The following UQCC1 variants were observed in gnomAD, a reference collection of about 807,000 sequenced individuals.
The protein encoded by UQCC1 is bFGF-repressed Zic-binding protein.
UQCC1 carries 38 observed loss-of-function variants against 48.0 expected under a neutral mutation model. The observed-to-expected ratio is 0.79, with a 90% confidence interval of 0.61 to 1.04. UQCC1 has a LOEUF of 1.04. Among genes scored for constraint, UQCC1 ranks in the 50% least tolerant of loss-of-function variants. The probability of loss-of-function intolerance (pLI) is 0.00; values close to 1 mark genes in which losing one functional copy is unlikely to be tolerated. For synonymous variants in UQCC1, 111 were observed against 129.2 expected, an observed-to-expected ratio of 0.86 and a Z score of 0.95; for missense variants, 368 against 381.8, an observed-to-expected ratio of 0.96 and a Z score of 0.30.
At chr20:35,383,994 T>C in intron 3 of UQCC1, 44 bp downstream of exon 3, 1 of 1,556,904 alleles carries the variant, frequency 6.4e-7, no homozygotes, top group Non-Finnish European at 8.8e-7. Flanking sequence ...AGAACACCTG[T>C]GTGAAAGCAC....
At chr20:35,317,272 G>A (rs1483417780) in intron 7 of UQCC1, among the ~76,000 whole-genome samples, 2 of 152,204 alleles carry the variant, frequency 1.3e-5, no homozygotes, top group East Asian at 1.9e-4. Flanking sequence ...GGAAGAGCAC[G>A]TGAGTTAGCA....
At chr20:35,319,062 C>T (rs918524159) in intron 7 of UQCC1, among the ~76,000 whole-genome samples, 2 of 152,174 alleles carry the variant, frequency 1.3e-5, no homozygotes, top group African/African-American at 2.4e-5. Context: ...AAAACCCATA[C>T]ATACAACACC....
Position 35,410,491 on chromosome 20 carries a change from C to A in UQCC1, c.24+1449G>T, listed in dbSNP as rs185261919. 2.7e-3 allele frequency among the ~76,000 whole-genome samples: 407 copies of A among 149,576 alleles called. 1 individual carries two copies. Among genetic ancestry groups the A allele is most frequent in the African/African-American group, 8.8e-3 (360 of 40,696 alleles). ...AGGTTGCAGTGAGCCGAGATCACAC[C>A]GCTGAACTCCACCCTGGGTGACAGA... On this transcript the variant is annotated intron_variant, in intron 1 of 9. Transcript: ENST00000374385.
At position 35,399,674 on chromosome 20, in the gene UQCC1, T is replaced by C. The variant is rs574650539; in HGVS notation, c.25-5478A>G. On this transcript the variant is annotated intron_variant, in intron 1 of 9. Coordinates refer to ENST00000374385, the MANE Select transcript of UQCC1 (RefSeq NM_018244.5). The stretch of plus-strand genomic sequence containing the variant: ...GAGTTCGAGACCAGCCTGGCCAACA[T>C]GGCAAAACCCCATCTCTACTAAAAA... 4.0e-5 allele frequency among the ~76,000 whole-genome samples: 6 copies of C among 151,870 alleles called. No individual in the cohort carries two copies. In the South Asian group the frequency reaches 1.3e-3, roughly 32 times the overall value.
rs1198006186 is a variant in UQCC1, at chr20:35,358,356, C to CAAA, written c.464+8198_464+8200dup. ...GCATCAACAGTGAGAGACTCTGTCT[C>CAAA]AAAAAAAAAAAAAAAAAAAAAAAAG... On this transcript the variant is annotated intron_variant, in intron 6 of 9. Coordinates refer to ENST00000374385, the MANE Select transcript of UQCC1 (RefSeq NM_018244.5). 1.9e-3 allele frequency among the ~76,000 whole-genome samples: 94 copies of CAAA among 49,378 alleles called. 1 individual carries two copies. Among genetic ancestry groups the CAAA allele is most frequent in the African/African-American group, 3.3e-3 (33 of 9,890 alleles). 32.4% of individuals were successfully genotyped at this position (49,378 alleles called of 152,430 possible).
At chr20:35,321,320 A>G (rs1294921429) in intron 7 of UQCC1, among the ~76,000 whole-genome samples, 2 of 152,076 alleles carry the variant, frequency 1.3e-5, no homozygotes, top group East Asian at 3.9e-4. Flanking sequence ...ACGCATGCAT[A>G]TTGAGCAGTT....
At chr20:35,374,660 C>T (rs1036330941) in intron 4 of UQCC1, among the ~76,000 whole-genome samples, 5 of 151,932 alleles carry the variant, frequency 3.3e-5, no homozygotes, top group African/African-American at 1.2e-4. Flanking sequence ...TACAAAAACC[C>T]TCAAGCCTTT....
At chr20:35,374,289 A>C in intron 4 of UQCC1, 33 bp from the exon 5 acceptor site, 1 of 1,533,160 alleles carries the variant, frequency 6.5e-7, no homozygotes, top group Non-Finnish European at 9.0e-7. Flanking sequence ...AACTCAAGAC[A>C]TGACCAAGTG....
In UQCC1 at chr20:35,383,946, C is replaced by T. The variant is rs11904863; in HGVS notation, c.225+92G>A. Reference sequence around the variant, plus strand: ...CCCTGAGCCTCACCTTCTGCATTCGCTAAAACTCACCTAGCTAACAATTTT... The same window carrying T: ...CCCTGAGCCTCACCTTCTGCATTCGTTAAAACTCACCTAGCTAACAATTTT... On this transcript the variant is annotated intron_variant, in intron 3 of 9. Transcript: ENST00000374385. 8.1e-5 allele frequency: 93 copies of T among 1,149,166 alleles called. No homozygotes were observed. The East Asian group carries it at 2.3e-3, about 28-fold the overall frequency. 71.2% of individuals were successfully genotyped at this position (1,149,166 alleles called of 1,614,324 possible). A position where few individuals can be genotyped will look rare whatever the true frequency, so the allele number is the denominator to read the frequency against.
chr20:35,398,253 C>G (rs530006514), intron 1 of UQCC1, among the ~76,000 whole-genome samples: 71 of 152,258 alleles, frequency 4.7e-4, no homozygotes, highest in African/African-American at 1.7e-3. Context: ...TAACTAAAGG[C>G]AGGAAGTACT....
At chr20:35,305,863 G>A (rs1328355553) in intron 9 of UQCC1, among the ~76,000 whole-genome samples, 1 of 152,222 alleles carries the variant, frequency 6.6e-6, no homozygotes, top group Non-Finnish European at 1.5e-5. Context: ...CACAGCCTGA[G>A]CTGTCTGAGG....
intron 6 of UQCC1, among the ~76,000 whole-genome samples, chr20:35,358,356 C>CAAAAAAAAAAAAA (rs1198006186): frequency 1.0e-4 from 5 of 49,396 alleles, no homozygotes; most frequent in Non-Finnish European, 1.3e-4. Flanking sequence ...GACTCTGTCT[C>CAAAAAAAAAAAAA]AAAAAAAAAA....
chr20:35,307,591 T>G (rs1568644766), intron 8 of UQCC1, among the ~76,000 whole-genome samples: 1 of 152,154 alleles, frequency 6.6e-6, no homozygotes, highest in Non-Finnish European at 1.5e-5. Context: ...CCCTGAGAAG[T>G]TGCTCTGTCC....
intron 1 of UQCC1, among the ~76,000 whole-genome samples, chr20:35,400,003 G>A (rs192043720): frequency 1.5e-5 from 2 of 132,330 alleles, no homozygotes; most frequent in Admixed American, 1.7e-4. Context: ...TCGGCTCACC[G>A]CAACCTTCAC....
intron 6 of UQCC1, among the ~76,000 whole-genome samples, chr20:35,349,510 C>T (rs898574587): frequency 6.6e-6 from 1 of 152,182 alleles, no homozygotes; most frequent in Non-Finnish European, 1.5e-5. Flanking sequence ...ATAATACCAT[C>T]AATGTGTAAA....
chr20:35,328,770 T>C (rs1321439590), intron 7 of UQCC1, among the ~76,000 whole-genome samples: 3 of 152,152 alleles, frequency 2.0e-5, no homozygotes, highest in Non-Finnish European at 4.4e-5. Flanking sequence ...ATCCTCCCAT[T>C]ACACTCAGCC....
intron 6 of UQCC1, among the ~76,000 whole-genome samples, chr20:35,362,354 CTTTTA>C (rs1052020507): frequency 2.0e-5 from 3 of 152,014 alleles, no homozygotes; most frequent in Non-Finnish European, 2.9e-5. Flanking sequence ...TGATATGAAA[CTTTTA>C]TTTTATTTTA....
At position 35,303,957 on chromosome 20, in the gene UQCC1, G is replaced by A. The variant is rs1202668333; in HGVS notation, c.878C>T (p.Thr293Ile). The A allele has an allele frequency of 6.2e-7, 1 of 1,614,216 alleles. No homozygotes were observed. The highest frequency in any genetic ancestry group is 8.5e-7 in the Non-Finnish European group (1 of 1,180,030). ...PQSILKPHSPTYNDEGL is the reference protein window; with the variant it reads ...PQSILKPHSPIYNDEGL ...CCATCAAAGTCCCTCGTCGTTGTAA[G>A]TCGGAGAATGGGGCTTCAGGATGCT... Residue 293 changes from threonine to isoleucine, a missense_variant, in exon 10 of 10, where the codon ACT becomes ATT. Transcript: ENST00000374385.
chr20:35,381,860 T>C (rs748985507), intron 4 of UQCC1, 58 bp downstream of exon 4: 21 of 1,001,306 alleles, frequency 2.1e-5, no homozygotes, highest in African/African-American at 8.2e-5. Context: ...AAAAATCTAT[T>C]AGGAGCAGAA....
Sources: gnomAD v4.1 joint callset for allele counts (sites outside exome capture counted in the v4.1 genomes callset) on GRCh38, gnomAD v4.1.1 for gene constraint, MANE v1.5 for transcripts, NCBI Gene and HGNC (gene_info 2026-07-23, HGNC 2026-07-21) for gene names.